The following CNTNAP2 variants were observed in gnomAD, a reference collection of about 807,000 sequenced individuals.
CNTNAP2 encodes the protein contactin associated protein 2, also known as contactin-associated protein-like 2.
In CNTNAP2, 98 loss-of-function variants were observed where a neutral mutation model predicts 155.2. The ratio of observed to expected loss-of-function variants is 0.63; its 90% CI spans 0.54 to 0.75. CNTNAP2 has a LOEUF of 0.75. CNTNAP2 is among the 30% of genes least tolerant of loss of function. The pLI, the probability that CNTNAP2 is intolerant of heterozygous loss-of-function variation, is 0.00. For synonymous variants in CNTNAP2, 651 were observed against 631.2 expected, an observed-to-expected ratio of 1.03 and a Z score of -0.47; for missense variants, 1,727 against 1,688.1, an observed-to-expected ratio of 1.02 and a Z score of -0.40.
At chr7:147,326,568 A>G (rs1038159197) in intron 9 of CNTNAP2, among the ~76,000 whole-genome samples, 2 of 152,192 alleles carry the variant, frequency 1.3e-5, no homozygotes, top group Non-Finnish European at 1.5e-5. Flanking sequence ...TTGCTGGATT[A>G]CATGTTAATT....
chr7:147,942,073 C>T (rs1010706996), intron 14 of CNTNAP2, among the ~76,000 whole-genome samples: 6 of 152,294 alleles, frequency 3.9e-5, no homozygotes, highest in African/African-American at 1.4e-4. Flanking sequence ...TCTCTTCAAC[C>T]TGATGCAAGA....
chr7:147,852,068 T>C (rs1330654969), intron 13 of CNTNAP2, among the ~76,000 whole-genome samples: 8 of 152,178 alleles, frequency 5.3e-5, no homozygotes, highest in Non-Finnish European at 1.2e-4. Context: ...GCGACCTTAA[T>C]TTTTAGTGCT....
chr7:147,989,027 T>G (rs1471910297), intron 15 of CNTNAP2, among the ~76,000 whole-genome samples: 1 of 152,126 alleles, frequency 6.6e-6, no homozygotes, highest in Non-Finnish European at 1.5e-5. Flanking sequence ...TGGAGGAGAT[T>G]AGGATGGAAG....
intron 15 of CNTNAP2, among the ~76,000 whole-genome samples, chr7:148,098,029 A>G (rs189568688): frequency 2.6e-5 from 4 of 152,336 alleles, no homozygotes; most frequent in African/African-American, 9.6e-5. Flanking sequence ...TTCTTTGAGT[A>G]GGTGGCAGTG....
chr7:147,703,908 C>T (rs932107885), intron 13 of CNTNAP2, among the ~76,000 whole-genome samples: 2 of 152,120 alleles, frequency 1.3e-5, no homozygotes, highest in African/African-American at 4.8e-5. Context: ...TACTCTCTAC[C>T]TCCATGAGGT....
intron 11 of CNTNAP2, among the ~76,000 whole-genome samples, chr7:147,539,434 A>G (rs866512838): frequency 4.6e-4 from 70 of 152,256 alleles, no homozygotes; most frequent in African/African-American, 1.5e-3. Flanking sequence ...GAGCCAAACT[A>G]TTTTGGCTTC....
In CNTNAP2 at chr7:146,720,519, T is replaced by C. The variant is rs188124179; in HGVS notation, c.98-53752T>C. Among the ~76,000 whole-genome samples the C allele has an allele frequency of 4.7e-3, 717 of 152,216 alleles. 10 individuals are homozygous for C. Among genetic ancestry groups the C allele is most frequent in the Admixed American group, 8.1e-3 (123 of 15,266 alleles). Reference sequence around the variant, plus strand: ...ATAAGTAAAAATTGAGCTCTGTATATAAGGTTAAAGCTGCCACATTTTTAT... The same window carrying C: ...ATAAGTAAAAATTGAGCTCTGTATACAAGGTTAAAGCTGCCACATTTTTAT... On this transcript the variant is annotated intron_variant, in intron 1 of 23. Transcript: ENST00000361727.
At chr7:146,603,657 A>T (rs1022258007) in intron 1 of CNTNAP2, among the ~76,000 whole-genome samples, 21 of 150,992 alleles carry the variant, frequency 1.4e-4, no homozygotes, top group Non-Finnish European at 2.8e-4. Context: ...GAATCACACT[A>T]CCTGACTTCA....
chr7:148,078,807 C>T (rs1486358545), intron 15 of CNTNAP2, among the ~76,000 whole-genome samples: 4 of 152,036 alleles, frequency 2.6e-5, no homozygotes, highest in African/African-American at 9.7e-5. Flanking sequence ...ACATTTTTAA[C>T]TTGATTTTCC....
At chr7:146,658,600 G>A (rs1006316069) in intron 1 of CNTNAP2, among the ~76,000 whole-genome samples, 2 of 152,122 alleles carry the variant, frequency 1.3e-5, no homozygotes, top group African/African-American at 4.8e-5. Context: ...GCTTTATGAG[G>A]GACATTGAAT....
intron 8 of CNTNAP2, among the ~76,000 whole-genome samples, chr7:147,158,592 T>C (rs1386157840): frequency 6.6e-6 from 1 of 152,130 alleles, no homozygotes; most frequent in African/African-American, 2.4e-5. Context: ...CATCAAGTGA[T>C]GGTTTAATGC....
At chr7:148,325,604 G>A (rs777392099) in intron 21 of CNTNAP2, among the ~76,000 whole-genome samples, 1 of 152,170 alleles carries the variant, frequency 6.6e-6, no homozygotes, top group Non-Finnish European at 1.5e-5. Flanking sequence ...ATATGTCTGC[G>A]TCTCCAGCCC....
chr7:147,222,997 C>A (rs7806237), intron 8 of CNTNAP2, among the ~76,000 whole-genome samples: 12,110 of 152,086 alleles, frequency 0.08, 509 homozygotes, highest in Non-Finnish European at 0.089. Context: ...TGGCATATTG[C>A]AAAATGATTC....
intron 3 of CNTNAP2, among the ~76,000 whole-genome samples, chr7:146,990,664 A>G (rs1277627788): frequency 6.6e-6 from 1 of 152,124 alleles, no homozygotes. Flanking sequence ...GAGAGAAACC[A>G]TTCAATCAAA....
intron 1 of CNTNAP2, among the ~76,000 whole-genome samples, chr7:146,653,257 C>T (rs117652508): frequency 0.029 from 4,393 of 152,236 alleles, 101 homozygotes; most frequent in Non-Finnish European, 0.045. Context: ...GCTAATGATT[C>T]CACAGAGCTA....
At chr7:148,056,605 T>C (rs998845796) in intron 15 of CNTNAP2, 2 of 152,226 alleles carry the variant, frequency 1.3e-5, no homozygotes, top group Admixed American at 1.3e-4. Flanking sequence ...ACATGCTCAC[T>C]GAGCATATGC....
chr7:146,471,594 A>G (rs1199751737), intron 1 of CNTNAP2, among the ~76,000 whole-genome samples: 1 of 152,238 alleles, frequency 6.6e-6, no homozygotes, highest in African/African-American at 2.4e-5. Flanking sequence ...AATGCCTCAC[A>G]CATAGTAGTT....
chr7:146,970,182 A>T (rs1797753512), intron 3 of CNTNAP2, among the ~76,000 whole-genome samples: 1 of 152,210 alleles, frequency 6.6e-6, no homozygotes, highest in African/African-American at 2.4e-5. Flanking sequence ...ACCAAAAGCA[A>T]TGGCAACAAA....
chr7:147,508,446 C>T (rs1054037018), intron 11 of CNTNAP2, among the ~76,000 whole-genome samples: 1 of 152,156 alleles, frequency 6.6e-6, no homozygotes, highest in Admixed American at 6.5e-5. Flanking sequence ...GGTCATACTT[C>T]AACACAGATA....
Sources: allele counts gnomAD v4.1 joint callset (sites outside exome capture counted in the v4.1 genomes callset), GRCh38; gene constraint gnomAD v4.1.1; transcripts MANE v1.5; gene names NCBI Gene and HGNC (gene_info 2026-07-23, HGNC 2026-07-21).